FUT8: variants seen among roughly 807,000 people sequenced by gnomAD.
FUT8 encodes alpha-(1,6)-fucosyltransferase.
In FUT8, 29 loss-of-function variants were observed where a neutral mutation model predicts 71.3. The ratio of observed to expected loss-of-function variants is 0.41; its 90% CI spans 0.30 to 0.55. FUT8 has a LOEUF of 0.55. FUT8 is among the 20% of genes least tolerant of loss of function. The pLI, the probability that FUT8 is intolerant of heterozygous loss-of-function variation, is 0.34. For synonymous variants in FUT8, 254 were observed against 239.3 expected (o/e 1.06, Z -0.57); for missense variants, 544 against 702.1 (o/e 0.77, Z 2.55).
intron 3 of FUT8, among the ~76,000 whole-genome samples, chr14:65,586,994 C>G (rs1887423012): frequency 6.6e-6 from 1 of 152,048 alleles, no homozygotes; most frequent in Admixed American, 6.5e-5. Flanking sequence ...CGAGACCATC[C>G]TGGCTAACAC....
At chr14:65,628,812 C>T (rs1322785545) in intron 5 of FUT8, among the ~76,000 whole-genome samples, 1 of 152,208 alleles carries the variant, frequency 6.6e-6, no homozygotes, top group Non-Finnish European at 1.5e-5. Context: ...GACCAGGACT[C>T]AGCAAATTAT....
At chr14:65,582,992 G>A (rs140579996) in intron 3 of FUT8, among the ~76,000 whole-genome samples, 7 of 152,164 alleles carry the variant, frequency 4.6e-5, no homozygotes, top group Admixed American at 1.3e-4. Context: ...CTGCATGAAT[G>A]GATTGGAATT....
intron 5 of FUT8, 108 bp from the exon 6 acceptor site, chr14:65,629,384 A>G (rs1465684585): frequency 2.1e-5 from 14 of 669,206 alleles, no homozygotes; most frequent in Middle Eastern, 2.5e-4. Context: ...ACCAGTGTCA[A>G]TGCGAGCATC....
chr14:65,697,978 C>T lies in FUT8; in HGVS notation c.836-23797C>T, dbSNP rs574528234. Among the ~76,000 whole-genome samples the T allele has an allele frequency of 4.8e-5, 7 of 146,662 alleles. No homozygotes were observed. In the East Asian group the frequency reaches 6.1e-4, roughly 13 times the overall value. On this transcript the variant is annotated intron_variant, in intron 7 of 10. Transcript: ENST00000673929. ...TCCACTCCAGCTTGGACAACAAGAG[C>T]GAAACTCCATCTCAAAAAAAAAAAA... is the stretch of plus-strand genomic sequence containing the variant.
intron 7 of FUT8, among the ~76,000 whole-genome samples, chr14:65,705,726 A>T (rs1894524473): frequency 6.6e-6 from 1 of 152,244 alleles, no homozygotes; most frequent in Non-Finnish European, 1.5e-5. Flanking sequence ...TTCAGTACAG[A>T]ACAGGGTTTT....
At chr14:65,541,496 C>G (rs925332244) in intron 2 of FUT8, among the ~76,000 whole-genome samples, 1 of 152,170 alleles carries the variant, frequency 6.6e-6, no homozygotes, top group African/African-American at 2.4e-5. Context: ...AGTCTGAAGG[C>G]CCAACAATTA....
chr14:65,442,135 G>A (rs772122658), intron 1 of FUT8, among the ~76,000 whole-genome samples: 11 of 151,850 alleles, frequency 7.2e-5, no homozygotes, highest in Non-Finnish European at 1.5e-4. Context: ...CATCCAGATT[G>A]AGAAGCATGA....
chr14:65,399,498 T>C, the FUT8 span, among the ~76,000 whole-genome samples: 4 of 152,294 alleles, frequency 2.6e-5, no homozygotes, highest in Admixed American at 6.5e-5. Flanking sequence ...AGATTTTTAA[T>C]ATTAGACTTA....
chr14:65,430,821 C>A (rs568432348), intron 1 of FUT8, among the ~76,000 whole-genome samples: 2 of 152,058 alleles, frequency 1.3e-5, no homozygotes, highest in African/African-American at 4.8e-5. Context: ...AGAAAGCTCT[C>A]TTTAAAAAAG....
At chr14:65,692,431 A>G (rs1594902731) in intron 7 of FUT8, among the ~76,000 whole-genome samples, 2 of 119,336 alleles carry the variant, frequency 1.7e-5, no homozygotes, top group African/African-American at 3.3e-5. Flanking sequence ...TCCCTCCCGG[A>G]CGGGGCGGCT....
intron 3 of FUT8, among the ~76,000 whole-genome samples, chr14:65,615,562 A>G (rs1889235817): frequency 6.6e-6 from 1 of 152,216 alleles, no homozygotes; most frequent in Admixed American, 6.5e-5. Flanking sequence ...ATGTTTGAGC[A>G]TGTCCTTAGA....
intron 2 of FUT8, among the ~76,000 whole-genome samples, chr14:65,514,785 C>G (rs1020246535): frequency 1.3e-5 from 2 of 151,850 alleles, no homozygotes; most frequent in African/African-American, 2.4e-5. Flanking sequence ...ATACATGTGC[C>G]AAGCTGGTGC....
intron 7 of FUT8, among the ~76,000 whole-genome samples, chr14:65,683,100 A>G (rs1594893652): frequency 6.8e-6 from 1 of 148,076 alleles, no homozygotes; most frequent in South Asian, 2.1e-4. Context: ...TGCAACCTCC[A>G]CCTCCCAGGT....
chr14:65,517,116 A>G (rs1278722790), intron 2 of FUT8, among the ~76,000 whole-genome samples: 2 of 151,990 alleles, frequency 1.3e-5, no homozygotes, highest in Non-Finnish European at 2.9e-5. Flanking sequence ...CCATTTATCT[A>G]TCAGTGGACA....
Position 65,483,373 on chromosome 14 carries a change from A to G in FUT8, c.-228+27655A>G, listed in dbSNP as rs930371874. On this transcript the variant is annotated intron_variant, in intron 2 of 10. Coordinates refer to ENST00000673929, the MANE Select transcript of FUT8 (RefSeq NM_001371533.1). The surrounding 1 kb of genome is among the most constrained non-coding windows in gnomAD (Gnocchi z 4.4). Reference sequence around the variant, plus strand: ...GTTAATTAGCTGTTTCTCCAACCCCATGTTAAATAGTTAGTGATCCTTTTT... The same window carrying G: ...GTTAATTAGCTGTTTCTCCAACCCCGTGTTAAATAGTTAGTGATCCTTTTT... 3.3e-5 allele frequency among the ~76,000 whole-genome samples: 5 copies of G among 152,180 alleles called. No individual in the cohort carries two copies. Among genetic ancestry groups the G allele is most frequent in the African/African-American group, 1.2e-4 (5 of 41,448 alleles).
intron 3 of FUT8, among the ~76,000 whole-genome samples, chr14:65,575,803 A>G (rs1886741496): frequency 6.6e-6 from 1 of 152,032 alleles, no homozygotes; most frequent in East Asian, 1.9e-4. Flanking sequence ...TATTTTTAGT[A>G]AAGACGGGTT....
At chr14:65,501,031 A>G (rs533875946) in intron 2 of FUT8, among the ~76,000 whole-genome samples, 42 of 152,294 alleles carry the variant, frequency 2.8e-4, no homozygotes, top group African/African-American at 7.7e-4. Context: ...TGGACTTACC[A>G]TGTTTGGGAA....
chr14:65,664,347 T>A (rs1234288366), intron 6 of FUT8, among the ~76,000 whole-genome samples: 1 of 152,160 alleles, frequency 6.6e-6, no homozygotes, highest in African/African-American at 2.4e-5. Flanking sequence ...CTCCTCTGTT[T>A]CTCTCAGATC....
rs954879779 is a variant in FUT8, at chr14:65,627,158, A to G, written c.483-2334A>G. 2.6e-5 allele frequency among the ~76,000 whole-genome samples: 4 copies of G among 152,230 alleles called. No homozygotes were observed. The highest frequency in any genetic ancestry group is 6.5e-5 in the Admixed American group (1 of 15,276). ...AAAAGAAGCAACCAAAAAAAAGTTCATTCTTTTGGAGCTTAAATTCTAGTA... is the reference window on the plus strand; with the variant it reads ...AAAAGAAGCAACCAAAAAAAAGTTCGTTCTTTTGGAGCTTAAATTCTAGTA... On this transcript the variant is annotated intron_variant, in intron 5 of 10. Coordinates refer to ENST00000673929, the MANE Select transcript of FUT8 (RefSeq NM_001371533.1). The surrounding 1 kb of genome is among the most constrained non-coding windows in gnomAD (Gnocchi z 4.0).
Sources: gnomAD v4.1 joint callset for allele counts (sites outside exome capture counted in the v4.1 genomes callset) on GRCh38, gnomAD v4.1.1 for gene constraint, Gnocchi (gnomAD v3.1) non-coding constraint, MANE v1.5 for transcripts, NCBI Gene and HGNC (gene_info 2026-07-23, HGNC 2026-07-21) for gene names.